PCDH15: variants seen among roughly 807,000 people sequenced by gnomAD.
PCDH15 encodes the protein protocadherin related 15, also known as protocadherin-15.
A neutral mutation model predicts 178.5 loss-of-function variants in PCDH15; 129 were observed. The observed-to-expected ratio is 0.72, with a 90% CI of 0.63 to 0.84. PCDH15 has a LOEUF of 0.84. Ranked by LOEUF, PCDH15 falls within the 40% of genes least tolerant of loss-of-function variation. The pLI is 0.00. For synonymous variants in PCDH15, 800 were observed against 732.0 expected (o/e 1.09, Z -1.50); for missense variants, 2,230 against 2,099.9 (o/e 1.06, Z -1.21).
Position 53,909,582 on chromosome 10 carries a change from C to T in PCDH15, c.3374-6212G>A, listed in dbSNP as rs180782976. Among the ~76,000 whole-genome samples, 6 of 152,282 alleles carry T rather than the reference C, an allele frequency of 3.9e-5. No homozygotes were observed. In the South Asian group the frequency reaches 8.3e-4, roughly 21 times the overall value. On this transcript the variant is annotated intron_variant, in intron 25 of 37. Transcript: ENST00000644397. ...AACAGCTCCAGTCTGCAGCTCCCAGCGTGCTTGGCGCAGAAGACGGGTGAT... is the reference window on the plus strand; with the variant it reads ...AACAGCTCCAGTCTGCAGCTCCCAGTGTGCTTGGCGCAGAAGACGGGTGAT...
chr10:54,183,706 G>T (rs1397436188), intron 12 of PCDH15, 113 bp from the exon 13 acceptor site: 3 of 1,254,104 alleles, frequency 2.4e-6, no homozygotes, highest in Non-Finnish European at 3.5e-6. Context: ...ATTTGAAAGG[G>T]TGCAAAAATA....
intron 4 of PCDH15, among the ~76,000 whole-genome samples, chr10:54,370,232 C>G (rs1186190040): frequency 6.6e-6 from 1 of 151,838 alleles, no homozygotes; most frequent in Non-Finnish European, 1.5e-5. Context: ...TGATTTTTAA[C>G]CCCTTTTGAG....
chr10:54,858,076 C>T (rs1017450218), intron 3 of PCDH15, among the ~76,000 whole-genome samples: 3 of 152,158 alleles, frequency 2.0e-5, no homozygotes, highest in African/African-American at 7.2e-5. Context: ...TACCTTCTGA[C>T]TAGCATCTCC....
chr10:55,282,479 G>A (rs578232864), intron 1 of PCDH15, among the ~76,000 whole-genome samples: 1 of 152,188 alleles, frequency 6.6e-6, no homozygotes, highest in South Asian at 2.1e-4. Flanking sequence ...TTTACATTAA[G>A]TTTTAATAAT....
intron 1 of PCDH15, among the ~76,000 whole-genome samples, chr10:54,736,331 A>G (rs1170352446): frequency 6.6e-6 from 1 of 152,102 alleles, no homozygotes. Context: ...TCAATAATCC[A>G]TTAGAATTAT....
At chr10:54,098,219 T>C (rs955901708) in intron 15 of PCDH15, among the ~76,000 whole-genome samples, 2 of 150,566 alleles carry the variant, frequency 1.3e-5, no homozygotes, top group Non-Finnish European at 3.0e-5. Context: ...TGTGTGTGTG[T>C]GTGTGTGTGT....
At chr10:55,238,307 G>T (rs1418292267) in intron 1 of PCDH15, among the ~76,000 whole-genome samples, 3 of 151,702 alleles carry the variant, frequency 2.0e-5, no homozygotes, top group African/African-American at 4.8e-5. Flanking sequence ...CCGCTACCAC[G>T]CCCGGCTAAT....
chr10:54,130,636 A>C (rs969095270), intron 15 of PCDH15, among the ~76,000 whole-genome samples: 8 of 152,186 alleles, frequency 5.3e-5, no homozygotes, highest in Admixed American at 3.9e-4. Context: ...GGAGGAGGGG[A>C]AACAAGAATT....
At chr10:54,832,580 G>A (rs150860978) in intron 3 of PCDH15, among the ~76,000 whole-genome samples, 1 of 152,132 alleles carries the variant, frequency 6.6e-6, no homozygotes, top group East Asian at 1.9e-4. Context: ...TCCTAATCTG[G>A]CCAGTACATT....
At chr10:53,845,250 AG>A (rs2077896898) in intron 28 of PCDH15, among the ~76,000 whole-genome samples, 1 of 151,974 alleles carries the variant, frequency 6.6e-6, no homozygotes, top group African/African-American at 2.4e-5. Context: ...GATATGGAGA[AG>A]GAGGAACATT....
intron 1 of PCDH15, among the ~76,000 whole-genome samples, chr10:54,783,842 T>C (rs1950592753): frequency 6.6e-6 from 1 of 152,112 alleles, no homozygotes; most frequent in African/African-American, 2.4e-5. Flanking sequence ...TCTCAGACTT[T>C]ACCAATTGTA....
At position 55,376,012 on chromosome 10, in the gene PCDH15, ATAT is replaced by A. The variant is rs1837388240; in HGVS notation, c.-155-209364_-155-209362del. 1.1e-4 allele frequency among the ~76,000 whole-genome samples: 17 copies of A among 152,118 alleles called. No individual in the cohort carries two copies. The South Asian group carries it at 3.3e-3, about 30-fold the overall frequency. ...TAATATAACATTTTAGTTTAGGACC[ATAT>A]TTATCACACTAGATCATAACTTTTA... On this transcript the variant is annotated intron_variant, in intron 2 of 5. Transcript: ENST00000613346.
At chr10:54,271,367 C>T (rs11004193) in intron 8 of PCDH15, among the ~76,000 whole-genome samples, 4 of 151,810 alleles carry the variant, frequency 2.6e-5, no homozygotes, top group Admixed American at 6.6e-5. Context: ...GGAGCCCCCA[C>T]GCCCGGCTAA....
chr10:54,436,158 AAAGG>A (rs1003119993), intron 3 of PCDH15, among the ~76,000 whole-genome samples: 8 of 148,418 alleles, frequency 5.4e-5, no homozygotes, highest in South Asian at 2.1e-4. Flanking sequence ...AGGAAGGAAG[AAAGG>A]AAGGAAGGAA....
At chr10:54,822,502 G>A (rs553178739) in intron 3 of PCDH15, among the ~76,000 whole-genome samples, 145 of 152,210 alleles carry the variant, frequency 9.5e-4, no homozygotes, top group African/African-American at 3.4e-3. Context: ...TCCACTGTGT[G>A]TACATACCAT....
rs141961252 is a variant in PCDH15 at position 55,586,790 on chromosome 10, C to A, written c.-156+40835G>T. Reference sequence around the variant, plus strand: ...GGTAAATATATTTTTGCTCTTATGACAAGAGAATGATGTACTTTGGTCAAA... The same window carrying A: ...GGTAAATATATTTTTGCTCTTATGAAAAGAGAATGATGTACTTTGGTCAAA... On this transcript the variant is annotated intron_variant, in intron 2 of 5. Coordinates refer to the PCDH15 transcript ENST00000613346. Among the ~76,000 whole-genome samples the A allele has an allele frequency of 4.1e-3, 617 of 152,134 alleles. 2 individuals carry two copies. The highest frequency in any genetic ancestry group is 7.4e-3 in the Non-Finnish European group (500 of 67,924).
rs890584974 is a variant in PCDH15 at position 54,375,866 on chromosome 10, T to C, written c.318+2916A>G. 2.3e-5 allele frequency among the ~76,000 whole-genome samples: 3 copies of C among 131,222 alleles called. No homozygotes were observed. In the Middle Eastern group the frequency reaches 0.013, roughly 561 times the overall value. 86.1% of individuals were successfully genotyped at this position (131,222 alleles called of 152,430 possible). ...TATATATAATATATAAATAAAAATA[T>C]ATTTTTGAAACGGAATATATATATA... On this transcript the variant is annotated intron_variant, in intron 4 of 37. Transcript: ENST00000644397.
intron 2 of PCDH15, among the ~76,000 whole-genome samples, chr10:54,554,886 C>G (rs1461717501): frequency 6.6e-6 from 1 of 152,112 alleles, no homozygotes; most frequent in Non-Finnish European, 1.5e-5. Flanking sequence ...AGTTAACAGC[C>G]TTACAGATGA....
At chr10:54,478,060 A>G (rs577893498) in intron 3 of PCDH15, among the ~76,000 whole-genome samples, 1 of 152,200 alleles carries the variant, frequency 6.6e-6, no homozygotes, top group East Asian at 1.9e-4. Context: ...TCAAGTTCAA[A>G]GGGCCCAAAT....
Sources: allele counts gnomAD v4.1 joint callset (sites outside exome capture counted in the v4.1 genomes callset), GRCh38; gene constraint gnomAD v4.1.1; transcripts MANE v1.5; gene names NCBI Gene and HGNC (gene_info 2026-07-23, HGNC 2026-07-21).